CYP39A1: variants seen among roughly 807,000 people sequenced by gnomAD.
The protein encoded by CYP39A1 is 24-hydroxycholesterol 7-alpha-hydroxylase.
A neutral mutation model predicts 58.1 loss-of-function variants in CYP39A1; 49 were observed. That is an observed-to-expected ratio of 0.84 (90% CI 0.67 to 1.07). The LOEUF (loss-of-function observed/expected upper bound fraction) is 1.07. Ranked by LOEUF, CYP39A1 falls within the 50% of genes least tolerant of loss-of-function variation. The pLI, the probability that CYP39A1 is intolerant of heterozygous loss-of-function variation, is 0.00. For synonymous variants in CYP39A1, 209 were observed against 187.6 expected (o/e 1.11, Z -0.93); for missense variants, 531 against 539.4 (o/e 0.98, Z 0.16).
chr6:46,632,185 G>A (rs564553388), intron 5 of CYP39A1, among the ~76,000 whole-genome samples: 23 of 152,006 alleles, frequency 1.5e-4, no homozygotes, highest in Non-Finnish European at 2.6e-4. Flanking sequence ...AACTATGTGC[G>A]TATTCAGAGA....
At chr6:46,557,474 C>G (rs1427048946) in intron 10 of CYP39A1, among the ~76,000 whole-genome samples, 1 of 151,776 alleles carries the variant, frequency 6.6e-6, no homozygotes, top group East Asian at 1.9e-4. Flanking sequence ...AACCTCGTCT[C>G]TAATAAAAAT....
At chr6:46,588,536 A>C (rs1354492770) in intron 8 of CYP39A1, among the ~76,000 whole-genome samples, 2 of 152,118 alleles carry the variant, frequency 1.3e-5, no homozygotes, top group Non-Finnish European at 1.5e-5. Flanking sequence ...CAGAAACTAC[A>C]GTGGAGGCTC....
Position 46,652,532 on chromosome 6 carries a change from C to T in CYP39A1, c.51G>A (p.Leu17=), listed in dbSNP as rs1176529825. The T allele has an allele frequency of 6.2e-7, 1 of 1,613,038 alleles. No homozygotes were observed. The highest frequency in any genetic ancestry group is 1.1e-5 in the South Asian group (1 of 90,790). The change falls in exon 1 of 12, where the codon CTG becomes CTA. Residue 17 remains leucine (L), a synonymous_variant. Transcript: ENST00000275016. ...TVIIILGCLA[L]FLLLQRKNLR... is the part of the protein sequence containing the mutation. ...AATTCTTCCGCTGAAGGAGTAAGAA[C>T]AGAGCAAGGCAACCCAGGATTATAA... is the stretch of plus-strand genomic sequence containing the variant.
chr6:46,563,686 G>T (rs1771102170), intron 10 of CYP39A1, among the ~76,000 whole-genome samples: 1 of 152,146 alleles, frequency 6.6e-6, no homozygotes, highest in Non-Finnish European at 1.5e-5. Flanking sequence ...TTATATGGAG[G>T]TGAAACTTGA....
chr6:46,616,460 C>T (rs187956579), intron 7 of CYP39A1, among the ~76,000 whole-genome samples: 318 of 151,696 alleles, frequency 2.1e-3, no homozygotes, highest in Admixed American at 4.1e-3. Flanking sequence ...CATTATATTA[C>T]CCAGGATGGT....
rs562024093 is a variant in CYP39A1, at chr6:46,645,332, A to G, written c.178-3034T>C. On this transcript the variant is annotated intron_variant, in intron 1 of 11. Coordinates refer to ENST00000275016, the MANE Select transcript of CYP39A1 (RefSeq NM_016593.5). ...TTTATATCAGATATAGGACTTAGGT[A>G]GAAATTCATGTTTTGTGTGTGTTGG... Among the ~76,000 whole-genome samples the G allele has an allele frequency of 2.6e-5, 4 of 152,280 alleles. No individual in the cohort carries two copies. In the East Asian group the frequency reaches 7.7e-4, roughly 29 times the overall value.
At chr6:46,616,511 G>T (rs976881629) in intron 7 of CYP39A1, among the ~76,000 whole-genome samples, 1 of 151,670 alleles carries the variant, frequency 6.6e-6, no homozygotes, top group African/African-American at 2.4e-5. Context: ...GGAATTATAG[G>T]CATGAGCCAT....
intron 5 of CYP39A1, among the ~76,000 whole-genome samples, chr6:46,633,016 TTAAC>T (rs1775754498): frequency 6.6e-6 from 1 of 152,212 alleles, no homozygotes; most frequent in Non-Finnish European, 1.5e-5. Flanking sequence ...TGTCAAGGGA[TTAAC>T]TACTCTAATC....
intron 1 of CYP39A1, among the ~76,000 whole-genome samples, chr6:46,650,987 G>C (rs1762650090): frequency 6.6e-6 from 1 of 152,280 alleles, no homozygotes; most frequent in Non-Finnish European, 1.5e-5. Context: ...TCATCTATCA[G>C]ACTAGCAAAA....
chr6:46,622,718 T>C (rs947804210), intron 7 of CYP39A1, among the ~76,000 whole-genome samples: 2 of 152,034 alleles, frequency 1.3e-5, no homozygotes, highest in Non-Finnish European at 2.9e-5. Flanking sequence ...ACTTAGATAA[T>C]AAAGACTTAG....
At chr6:46,624,292 CT>C (rs1775164737) in intron 7 of CYP39A1, among the ~76,000 whole-genome samples, 1 of 152,064 alleles carries the variant, frequency 6.6e-6, no homozygotes, top group South Asian at 2.1e-4. Context: ...AGTGCATTGC[CT>C]TTTTCCATTT....
intron 8 of CYP39A1, among the ~76,000 whole-genome samples, chr6:46,595,496 C>G (rs1340706077): frequency 1.3e-5 from 2 of 151,572 alleles, no homozygotes; most frequent in East Asian, 3.9e-4. Context: ...AATGACAAAC[C>G]ACATATAAGT....
At chr6:46,606,662 C>A (rs1406745897) in intron 7 of CYP39A1, among the ~76,000 whole-genome samples, 2 of 152,094 alleles carry the variant, frequency 1.3e-5, no homozygotes, top group African/African-American at 4.8e-5. Flanking sequence ...ATGATGAAGG[C>A]AAACCTTAGG....
At chr6:46,630,133 A>G (rs577301309) in intron 6 of CYP39A1, among the ~76,000 whole-genome samples, 1 of 151,116 alleles carries the variant, frequency 6.6e-6, no homozygotes, top group African/African-American at 2.5e-5. Context: ...ACAACAACAA[A>G]AAAACCCACA....
chr6:46,642,741 T>C (rs927368744), intron 1 of CYP39A1, among the ~76,000 whole-genome samples: 9 of 152,204 alleles, frequency 5.9e-5, no homozygotes, highest in Admixed American at 1.3e-4. Context: ...TGCAATCCTA[T>C]ACACTTTTCT....
Position 46,550,166 on chromosome 6 carries a change from T to C in CYP39A1, c.*200A>G, listed in dbSNP as rs1248817762. Reference sequence around the variant, plus strand: ...TTCCTATAAACCATGTATTCCGGTCTCTATATTACTGAGAGTGATGTTAGA... The same window carrying C: ...TTCCTATAAACCATGTATTCCGGTCCCTATATTACTGAGAGTGATGTTAGA... On this transcript the variant is annotated 3_prime_UTR_variant, in exon 12 of 12. Transcript: ENST00000275016. 3 of 397,660 alleles carry C rather than the reference T, an allele frequency of 7.5e-6. No homozygotes were observed. Among genetic ancestry groups the C allele is most frequent in the African/African-American group, 6.2e-5 (3 of 48,562 alleles). The allele number at this position is 397,660 out of a possible 1,614,324, so 24.6% of individuals were successfully genotyped here.
intron 9 of CYP39A1, among the ~76,000 whole-genome samples, chr6:46,587,505 AC>A (rs1772541051): frequency 6.6e-6 from 1 of 152,208 alleles, no homozygotes; most frequent in African/African-American, 2.4e-5. Context: ...GTAGTAAGAC[AC>A]TGACATCCCT....
chr6:46,623,410 T>C (rs971918428), intron 7 of CYP39A1, among the ~76,000 whole-genome samples: 1 of 152,168 alleles, frequency 6.6e-6, no homozygotes, highest in South Asian at 2.1e-4. Flanking sequence ...GGCCATGGGG[T>C]ATTCAGTTTA....
At chr6:46,569,109 C>A (rs929749243) in intron 10 of CYP39A1, among the ~76,000 whole-genome samples, 4 of 151,980 alleles carry the variant, frequency 2.6e-5, no homozygotes, top group Non-Finnish European at 1.5e-5. Context: ...CTTGGTTTAG[C>A]TAATTCCTAA....
Sources: allele counts gnomAD v4.1 joint callset (sites outside exome capture counted in the v4.1 genomes callset), GRCh38; gene constraint gnomAD v4.1.1; transcripts MANE v1.5; gene names NCBI Gene and HGNC (gene_info 2026-07-23, HGNC 2026-07-21).